Variants in GRAMD2B observed in about 807,000 individuals in gnomAD.
GRAMD2B encodes the protein GRAM domain containing 2B.
Under a neutral mutation model 59.2 loss-of-function variants are expected in GRAMD2B, and 41 were observed. The ratio of observed to expected loss-of-function variants is 0.69; its 90% CI spans 0.54 to 0.90. The LOEUF (loss-of-function observed/expected upper bound fraction) is 0.90. Ranked by LOEUF, GRAMD2B falls within the 40% of genes least tolerant of loss-of-function variation. The pLI, the probability that GRAMD2B is intolerant of heterozygous loss-of-function variation, is 0.00. For missense variants in GRAMD2B, 424 were observed against 500.5 expected (o/e 0.85, Z 1.46); for synonymous variants, 161 against 182.7 (o/e 0.88, Z 0.96).
chr5:126,365,031 T>C (rs1208499002), intron 1 of GRAMD2B, among the ~76,000 whole-genome samples: 1 of 152,236 alleles, frequency 6.6e-6, no homozygotes, highest in Admixed American at 6.5e-5. Flanking sequence ...ATGATTTTGA[T>C]AATCCTTTAG....
chr5:126,446,875 G>T (rs1156509937), intron 1 of GRAMD2B, among the ~76,000 whole-genome samples: 5 of 152,120 alleles, frequency 3.3e-5, no homozygotes, highest in Admixed American at 3.3e-4. Flanking sequence ...TTTCCAAGAA[G>T]GCATAAAATG....
intron 8 of GRAMD2B, among the ~76,000 whole-genome samples, chr5:126,482,405 A>G (rs947803192): frequency 6.6e-6 from 1 of 152,210 alleles, no homozygotes; most frequent in Non-Finnish European, 1.5e-5. Context: ...AATGTAACAC[A>G]CTTGATTTGG....
intron 1 of GRAMD2B, among the ~76,000 whole-genome samples, chr5:126,379,264 C>T (rs1427667992): frequency 6.6e-6 from 1 of 152,108 alleles, no homozygotes; most frequent in African/African-American, 2.4e-5. Context: ...AGTAGTATCC[C>T]ATGGTATATA....
intron 13 of GRAMD2B, among the ~76,000 whole-genome samples, chr5:126,490,788 G>A (rs1773789934): frequency 6.6e-6 from 1 of 152,186 alleles, no homozygotes; most frequent in African/African-American, 2.4e-5. Context: ...GGGGGCCGGT[G>A]ATGTCTAAGC....
chr5:126,399,753 G>GT (rs1757666244), intron 1 of GRAMD2B, among the ~76,000 whole-genome samples: 1 of 152,052 alleles, frequency 6.6e-6, no homozygotes, highest in Non-Finnish European at 1.5e-5. Flanking sequence ...ACTCGAGACA[G>GT]TTTTACATTT....
At chr5:126,427,919 A>AT (rs574155046) in intron 1 of GRAMD2B, among the ~76,000 whole-genome samples, 4 of 150,702 alleles carry the variant, frequency 2.7e-5, no homozygotes, top group East Asian at 3.9e-4. Flanking sequence ...TGTGCATATA[A>AT]TTTTTTTTTT....
At chr5:126,467,564 C>A (rs990702155) in intron 2 of GRAMD2B, 2 of 152,178 alleles carry the variant, frequency 1.3e-5, no homozygotes, top group Admixed American at 6.5e-5. Flanking sequence ...TTCAAAAGGT[C>A]GGATCATTTC....
chr5:126,461,716 C>T (rs1339295677), intron 1 of GRAMD2B, among the ~76,000 whole-genome samples: 1 of 152,184 alleles, frequency 6.6e-6, no homozygotes, highest in African/African-American at 2.4e-5. Flanking sequence ...AGGAGAATCA[C>T]TTGAACCTGG....
chr5:126,447,214 G>A (rs1457240021), intron 1 of GRAMD2B, among the ~76,000 whole-genome samples: 1 of 152,168 alleles, frequency 6.6e-6, no homozygotes, highest in African/African-American at 2.4e-5. Context: ...CTGAATTATG[G>A]GGGGTTGTTC....
At chr5:126,466,831 A>T (rs556615371) in intron 2 of GRAMD2B, among the ~76,000 whole-genome samples, 1 of 152,272 alleles carries the variant, frequency 6.6e-6, no homozygotes, top group African/African-American at 2.4e-5. Flanking sequence ...CAGGCACCTT[A>T]AAAACACTGT....
intron 1 of GRAMD2B, among the ~76,000 whole-genome samples, chr5:126,382,496 T>C (rs187010794): frequency 6.6e-6 from 1 of 152,302 alleles, no homozygotes; most frequent in Admixed American, 6.5e-5. Context: ...GACATTCCAG[T>C]GTATTTTGCG....
chr5:126,473,373 G>C lies in GRAMD2B; in HGVS notation c.486+5G>C. 1 of 1,244,250 alleles carries C rather than the reference G, an allele frequency of 8.0e-7. No homozygotes were observed. Among genetic ancestry groups the C allele is most frequent in the Non-Finnish European group, 1.1e-6 (1 of 894,086 alleles). 77.1% of individuals were successfully genotyped at this position (1,244,250 alleles called of 1,614,324 possible). A position where few individuals can be genotyped will look rare whatever the true frequency, so the allele number is the denominator to read the frequency against. ...GTCTTTGGAAAAGACACAAAGGTTG[G>C]TATAATTAAAAAAAAAAATGCTAAC... On this transcript the variant is annotated splice_donor_5th_base_variant and intron_variant, in intron 5 of 13. Coordinates refer to ENST00000285689, the MANE Select transcript of GRAMD2B (RefSeq NM_023927.4).
chr5:126,401,518 GT>G (rs1032883496), intron 1 of GRAMD2B, among the ~76,000 whole-genome samples: 31 of 151,862 alleles, frequency 2.0e-4, no homozygotes, highest in African/African-American at 7.5e-4. Context: ...TTTTTTTCAT[GT>G]TTTTTGAAGT....
exon 1 of GRAMD2B, chr5:126,371,328 T>A: frequency 8.8e-7 from 1 of 1,137,898 alleles, no homozygotes; most frequent in African/African-American, 1.6e-5. Flanking sequence ...AAGAAAGAGC[T>A]TCCTGCAATT....
chr5:126,385,635 A>G (rs1333456698), intron 1 of GRAMD2B, among the ~76,000 whole-genome samples: 1 of 152,226 alleles, frequency 6.6e-6, no homozygotes, highest in East Asian at 1.9e-4. Flanking sequence ...TACTTAGTCA[A>G]AAAGTATTTA....
At chr5:126,436,594 G>A (rs1395791777) in intron 1 of GRAMD2B, among the ~76,000 whole-genome samples, 2 of 152,208 alleles carry the variant, frequency 1.3e-5, no homozygotes, top group South Asian at 2.1e-4. Flanking sequence ...CAAAGCTGTT[G>A]TGAGCTCTTA....
rs557625426 is a variant in GRAMD2B at position 126,457,146 on chromosome 5, C to T, written c.84-8280C>T. Among the ~76,000 whole-genome samples the T allele has an allele frequency of 6.9e-4, 99 of 143,620 alleles. 3 individuals carry two copies. The South Asian group carries it at 0.021, about 30-fold the overall frequency. The allele number at this position is 143,620 out of a possible 152,430, so 94.2% of individuals were successfully genotyped here. A position where few individuals can be genotyped will look rare whatever the true frequency, so the allele number is the denominator to read the frequency against. ...GGTGGAGCTTGCAGTGAGCCAAGAT[C>T]GCGCCACTGCACTCCAGCAGAGGCG... On this transcript the variant is annotated intron_variant, in intron 1 of 13. Transcript: ENST00000285689.
chr5:126,434,505 CT>C (rs930458101), intron 1 of GRAMD2B, among the ~76,000 whole-genome samples: 4 of 146,924 alleles, frequency 2.7e-5, no homozygotes, highest in East Asian at 1.9e-4. Context: ...GACAATTATC[CT>C]TTTTTTTATT....
At chr5:126,474,004 G>A (rs549442340) in intron 5 of GRAMD2B, among the ~76,000 whole-genome samples, 131 of 152,280 alleles carry the variant, frequency 8.6e-4, no homozygotes, top group South Asian at 6.8e-3. Context: ...GCATTAAGGA[G>A]AACAGCCTAA....
Sources: gnomAD v4.1 joint callset for allele counts (sites outside exome capture counted in the v4.1 genomes callset) on GRCh38, gnomAD v4.1.1 for gene constraint, MANE v1.5 for transcripts, NCBI Gene and HGNC (gene_info 2026-07-23, HGNC 2026-07-21) for gene names.